The following PREPL variants were observed in gnomAD, a reference collection of about 807,000 sequenced individuals.
PREPL encodes the protein prolyl endopeptidase-like.
In PREPL, 77 loss-of-function variants were observed where a neutral mutation model predicts 70.6. That is an observed-to-expected ratio of 1.09 (90% CI 0.91 to 1.32). The LOEUF (loss-of-function observed/expected upper bound fraction) is 1.32. Among genes scored for constraint, PREPL ranks in the 40% most tolerant of loss-of-function variants. The probability of loss-of-function intolerance (pLI) is 0.00; values close to 1 mark genes in which losing one functional copy is unlikely to be tolerated. For missense variants in PREPL, 1,002 were observed against 778.2 expected (o/e 1.29, Z -3.42); for synonymous variants, 315 against 264.8 (o/e 1.19, Z -1.84).
intron 10 of PREPL, among the ~76,000 whole-genome samples, chr2:44,323,666 C>T (rs1348556103): frequency 6.6e-6 from 1 of 152,130 alleles, no homozygotes; most frequent in Non-Finnish European, 1.5e-5. Flanking sequence ...TTATTTTTAG[C>T]TTAGTACCTT....
In PREPL at chr2:44,321,197, G is replaced by C; in HGVS notation, c.*159C>G. On this transcript the variant is annotated 3_prime_UTR_variant, in exon 14 of 14. Transcript: ENST00000409411. Reference sequence around the variant, plus strand: ...TCAATGGAGAGAATAGTATAAGCAAGTGAGATGTAGACTAAGCAAAATTTA... The same window carrying C: ...TCAATGGAGAGAATAGTATAAGCAACTGAGATGTAGACTAAGCAAAATTTA... 1.6e-6 allele frequency: 1 copy of C among 644,738 alleles called. No homozygotes were observed. The highest frequency in any genetic ancestry group is 2.7e-6 in the Non-Finnish European group (1 of 369,962). 39.9% of individuals were successfully genotyped at this position (644,738 alleles called of 1,614,324 possible).
rs748925470 is a variant in PREPL at position 44,320,284 on chromosome 2, G to C, written c.*1072C>G. On this transcript the variant is annotated 3_prime_UTR_variant, in exon 14 of 14. Transcript: ENST00000409411. ...GCCAATGAGCTACTCCTCAACAGGG[G>C]CTGGTTTTGCCATTTGAGGAATGAC... 6.2e-7 allele frequency: 1 copy of C among 1,613,914 alleles called. No homozygotes were observed. Among genetic ancestry groups the C allele is most frequent in the Non-Finnish European group, 8.5e-7 (1 of 1,179,938 alleles).
intron 2 of PREPL, 87 bp downstream of exon 2, chr2:44,346,181 G>T: frequency 7.8e-7 from 1 of 1,274,458 alleles, no homozygotes; most frequent in Non-Finnish European, 1.1e-6. Context: ...TCTTGATGTG[G>T]ACTATGTCTC....
At position 44,318,095 on chromosome 2, in the gene PREPL, G is replaced by GTTTT; in HGVS notation, c.*3257_*3260dup. On this transcript the variant is annotated 3_prime_UTR_variant, in exon 14 of 14. Transcript: ENST00000409411. ...ATAATACTTAAAGGATCTCAACACT[G>GTTTT]TTTTTTTTTTTTTTTGAGACAGTCT... is the stretch of plus-strand genomic sequence containing the variant. 2.8e-5 allele frequency: 11 copies of GTTTT among 396,482 alleles called. No individual in the cohort carries two copies. The highest frequency in any genetic ancestry group is 8.2e-5 in the East Asian group (1 of 12,226). 24.6% of individuals were successfully genotyped at this position (396,482 alleles called of 1,614,324 possible). A position where few individuals can be genotyped will look rare whatever the true frequency, so the allele number is the denominator to read the frequency against.
At chr2:44,344,492 G>A in intron 3 of PREPL, 28 bp downstream of exon 3, 1 of 1,449,736 alleles carries the variant, frequency 6.9e-7, no homozygotes, top group Non-Finnish European at 9.4e-7. Flanking sequence ...GAAAATTAGA[G>A]CACGTAAAAA....
chr2:44,344,202 T>A (rs1050350037), intron 3 of PREPL, among the ~76,000 whole-genome samples: 3 of 152,136 alleles, frequency 2.0e-5, no homozygotes, highest in Non-Finnish European at 4.4e-5. Flanking sequence ...TCTAGTTTAG[T>A]ATTTACAGAC....
At chr2:44,359,633 A>T in intron 1 of PREPL, 1 of 1,612,486 alleles carries the variant, frequency 6.2e-7, no homozygotes, top group South Asian at 1.1e-5. Flanking sequence ...ATAGTGATTC[A>T]AATGCTGTTT....
chr2:44,320,185 T>A lies in PREPL; in HGVS notation c.*1171A>T. ...GAATCAAACACTTACGTAAATACTT[T>A]TTTAAAAAAATAGGTCCAAAAGACT... On this transcript the variant is annotated 3_prime_UTR_variant, in exon 14 of 14. Transcript: ENST00000409411. 1.2e-6 allele frequency: 2 copies of A among 1,604,916 alleles called. No individual in the cohort carries two copies. The highest frequency in any genetic ancestry group is 1.7e-6 in the Non-Finnish European group (2 of 1,172,540).
intron 1 of PREPL, among the ~76,000 whole-genome samples, chr2:44,352,765 G>T (rs1676587108): frequency 6.6e-6 from 1 of 151,854 alleles, no homozygotes; most frequent in Non-Finnish European, 1.5e-5. Context: ...TTTAACAAAA[G>T]ATATCACAAA....
rs150703640 is a variant in PREPL at position 44,342,901 on chromosome 2, C to T, written c.350-349G>A. The stretch of plus-strand genomic sequence containing the variant: ...CAATCTACAACTTGAAACTGTAAGT[C>T]TGAAGGAATATTGCATCTTTCTCTC... On this transcript the variant is annotated intron_variant, in intron 4 of 13. Coordinates refer to ENST00000409411, the MANE Select transcript of PREPL (RefSeq NM_001171613.2). Among the ~76,000 whole-genome samples the T allele has an allele frequency of 3.6e-3, 553 of 152,292 alleles. 2 individuals carry two copies. Among genetic ancestry groups the T allele is most frequent in the Non-Finnish European group, 5.5e-3 (375 of 68,018 alleles).
Position 44,338,451 on chromosome 2 carries a change from A to C in PREPL, c.788T>G (p.Leu263Trp). The C allele has an allele frequency of 6.2e-7, 1 of 1,613,022 alleles. No individual in the cohort carries two copies. The highest frequency in any genetic ancestry group is 2.2e-5 in the East Asian group (1 of 44,882). Residue 263 changes from leucine to tryptophan, a missense_variant, in exon 7 of 14, where the codon TTG (leucine) becomes TGG (tryptophan). Physicochemically the swap from Leu to Trp is moderately conservative, Grantham distance 61. Coordinates refer to ENST00000409411, the MANE Select transcript of PREPL (RefSeq NM_001171613.2). Reference sequence around the variant, plus strand: ...AACACAGTGATCCTTAAACATGTCCAAGTCTATCACTTTTGTATTTCTCTT... The same window carrying C: ...AACACAGTGATCCTTAAACATGTCCCAGTCTATCACTTTTGTATTTCTCTT... ...TMKRNTKVID[L>W]DMFKDHCVLF...
Position 44,321,367 on chromosome 2 carries a change from G to A in PREPL, c.1906C>T (p.Leu636=), listed in dbSNP as rs147585967. 3.6e-4 allele frequency: 576 copies of A among 1,605,516 alleles called. No homozygotes were observed. The highest frequency in any genetic ancestry group is 4.7e-4 in the Non-Finnish European group (556 of 1,172,940). ...TSVFEDLKKY[L]KF Reference sequence around the variant, plus strand: ...TTGAATGCAGTGTTTCAGAATTTCAGGTATTTCTTAAGATCCTCGAAAACA... The same window carrying A: ...TTGAATGCAGTGTTTCAGAATTTCAAGTATTTCTTAAGATCCTCGAAAACA... The change falls in exon 14 of 14, where the codon CTG becomes TTG. Residue 636 remains leucine, a synonymous_variant. Transcript: ENST00000409411.
intron 7 of PREPL, among the ~76,000 whole-genome samples, chr2:44,337,547 T>C (rs1674760481): frequency 6.6e-6 from 1 of 152,212 alleles, no homozygotes. Flanking sequence ...TTAAGAATAT[T>C]GGAGTTAGGG....
chr2:44,322,477 A>G (rs1420941568), intron 12 of PREPL, among the ~76,000 whole-genome samples: 3 of 152,174 alleles, frequency 2.0e-5, no homozygotes, highest in African/African-American at 7.2e-5. Flanking sequence ...GTTATATCTG[A>G]TTCTTAAATT....
At chr2:44,352,100 G>A (rs1244046917) in intron 1 of PREPL, among the ~76,000 whole-genome samples, 4 of 152,082 alleles carry the variant, frequency 2.6e-5, no homozygotes, top group East Asian at 3.9e-4. Context: ...TAAAGCTATT[G>A]CTCAAATGTC....
chr2:44,353,092 G>A (rs1482050817), intron 1 of PREPL, among the ~76,000 whole-genome samples: 1 of 151,746 alleles, frequency 6.6e-6, no homozygotes, highest in African/African-American at 2.4e-5. Context: ...ATTTAAAAAA[G>A]TTTTGGATTT....
Position 44,323,413 on chromosome 2 carries a change from T to TA in PREPL, c.1480-3dup, listed in dbSNP as rs763329621. The TA allele has an allele frequency of 5.9e-5, 92 of 1,567,354 alleles. No homozygotes were observed. The highest frequency in any genetic ancestry group is 1.4e-4 in the Admixed American group (7 of 49,258). On this transcript the variant is annotated splice_region_variant and splice_polypyrimidine_tract_variant and intron_variant, in intron 10 of 13. Coordinates refer to ENST00000409411, the MANE Select transcript of PREPL (RefSeq NM_001171613.2). Reference sequence around the variant, plus strand: ...GTTGAGAACATCCAAGAAAGGTGCCTAAAAAAAAGGCAAAGAAACTTATAC... The same window carrying TA: ...GTTGAGAACATCCAAGAAAGGTGCCTAAAAAAAAAGGCAAAGAAACTTATAC...
At chr2:44,346,217 TC>T (rs1261966446) in intron 2 of PREPL, 50 bp downstream of exon 2, 7 of 1,512,942 alleles carry the variant, frequency 4.6e-6, no homozygotes, top group Non-Finnish European at 4.5e-6. Flanking sequence ...CTCATTTGCA[TC>T]TTGATTGGTA....
At chr2:44,353,573 G>C (rs1339804845) in intron 1 of PREPL, among the ~76,000 whole-genome samples, 1 of 151,328 alleles carries the variant, frequency 6.6e-6, no homozygotes, top group Non-Finnish European at 1.5e-5. Flanking sequence ...GGGCGACAGA[G>C]CGAGACTCCA....
Sources: allele counts gnomAD v4.1 joint callset (sites outside exome capture counted in the v4.1 genomes callset), GRCh38; gene constraint gnomAD v4.1.1; transcripts MANE v1.5; gene names NCBI Gene and HGNC (gene_info 2026-07-23, HGNC 2026-07-21).